BTBD8: variants seen among roughly 807,000 people sequenced by gnomAD.
BTBD8 encodes the protein BTB/POZ domain-containing protein 8.
BTBD8 carries 110 observed loss-of-function variants against 162.9 expected under a neutral mutation model. The observed-to-expected ratio is 0.68, with a 90% CI of 0.58 to 0.79. The LOEUF is 0.79. Among genes scored for constraint, BTBD8 ranks in the 30% least tolerant of loss-of-function variants. The pLI is 0.00. For missense variants in BTBD8, 1,905 were observed against 2,085.4 expected, an observed-to-expected ratio of 0.91 and a Z score of 1.68; for synonymous variants, 667 against 716.1, an observed-to-expected ratio of 0.93 and a Z score of 1.10.
At chr1:92,157,496 AT>A (rs1368304098) in intron 9 of BTBD8, among the ~76,000 whole-genome samples, 3 of 151,838 alleles carry the variant, frequency 2.0e-5, no homozygotes, top group African/African-American at 7.3e-5. Context: ...CATTATTCTT[AT>A]TTACTTATTT....
chr1:92,160,335 A>G (rs1390707475), intron 9 of BTBD8, among the ~76,000 whole-genome samples: 8 of 152,128 alleles, frequency 5.3e-5, no homozygotes, highest in Admixed American at 5.2e-4. Flanking sequence ...GAGCTAAATC[A>G]TATATCTCAA....
At chr1:92,171,374 AAC>A in intron 12 of BTBD8, 23 bp from the exon 13 acceptor site, 17 of 1,528,810 alleles carry the variant, frequency 1.1e-5, no homozygotes, top group Non-Finnish European at 1.5e-5. Context: ...TCCTTATAAA[AAC>A]AAATTGCTGT....
At chr1:92,150,551 A>G (rs545357549) in intron 9 of BTBD8, 2 of 152,268 alleles carry the variant, frequency 1.3e-5, no homozygotes, top group South Asian at 4.1e-4. Flanking sequence ...ATGAATTTTT[A>G]CTTTACAATA....
intron 13 of BTBD8, among the ~76,000 whole-genome samples, chr1:92,175,374 G>C (rs1475948239): frequency 1.3e-5 from 2 of 148,592 alleles, no homozygotes; most frequent in Non-Finnish European, 3.0e-5. Flanking sequence ...AGCTACTCGG[G>C]AGGCTGAGGC....
chr1:92,131,705 CAG>C (rs1472589376), intron 5 of BTBD8, among the ~76,000 whole-genome samples: 1 of 144,894 alleles, frequency 6.9e-6, no homozygotes, highest in Non-Finnish European at 1.5e-5. Context: ...GCCTGGGCGA[CAG>C]AGCGAGACTC....
At chr1:92,162,773 C>A (rs979053522) in intron 9 of BTBD8, among the ~76,000 whole-genome samples, 3 of 152,148 alleles carry the variant, frequency 2.0e-5, no homozygotes, top group African/African-American at 7.2e-5. Context: ...TTCTCAGGCT[C>A]AATTTTTAGG....
intron 5 of BTBD8, among the ~76,000 whole-genome samples, chr1:92,131,595 G>A (rs936143254): frequency 2.0e-5 from 3 of 151,850 alleles, no homozygotes; most frequent in African/African-American, 4.8e-5. Flanking sequence ...ATGATGGCAC[G>A]TGCCTGTAAT....
intron 3 of BTBD8, among the ~76,000 whole-genome samples, chr1:92,105,307 C>T (rs906755711): frequency 1.3e-5 from 2 of 151,576 alleles, no homozygotes; most frequent in African/African-American, 2.4e-5. Flanking sequence ...GGCAGGAGTA[C>T]AGTGTCATGA....
intron 5 of BTBD8, among the ~76,000 whole-genome samples, chr1:92,139,124 G>T (rs1649706153): frequency 6.6e-6 from 1 of 152,146 alleles, no homozygotes; most frequent in African/African-American, 2.4e-5. Context: ...AATAAATAAT[G>T]ATTTGATAAC....
rs927707837 is a variant in BTBD8 at position 92,139,331 on chromosome 1, G to A, written c.753-19G>A. ...AGTTAAACCTTAATTCTGGATTTGAGTTTTCTTTTATTTTTCAGTATAAGC... is the reference window on the plus strand; with the variant it reads ...AGTTAAACCTTAATTCTGGATTTGAATTTTCTTTTATTTTTCAGTATAAGC... On this transcript the variant is annotated intron_variant, in intron 5 of 17. Transcript: ENST00000636805. The A allele has an allele frequency of 1.9e-6, 3 of 1,549,054 alleles. No individual in the cohort carries two copies. The highest frequency in any genetic ancestry group is 4.8e-5 in the East Asian group (2 of 41,920).
At chr1:92,148,156 T>C (rs1427586905) in intron 9 of BTBD8, among the ~76,000 whole-genome samples, 1 of 152,232 alleles carries the variant, frequency 6.6e-6, no homozygotes, top group East Asian at 1.9e-4. Flanking sequence ...ATCAGCCATC[T>C]ACCTGGTGGC....
rs754676475 is a variant in BTBD8, at chr1:92,088,805, A to G, written c.257A>G (p.His86Arg). The G allele has an allele frequency of 2.5e-6, 4 of 1,613,354 alleles. No individual in the cohort carries two copies. Among genetic ancestry groups the G allele is most frequent in the Non-Finnish European group, 3.4e-6 (4 of 1,179,532 alleles). The change falls in exon 2 of 18, where the codon CAT (histidine) becomes CGT (arginine). Residue 86 changes from histidine (H) to arginine (R), a missense_variant. Transcript: ENST00000636805. ...GCAAGAGTTCCTGACTTCTATTTTC[A>G]TACTATTGGACAGACATCAAATAGT... ...LLARVPDFYFHTIGQTSNSLT... is the reference protein window; with the variant it reads ...LLARVPDFYFRTIGQTSNSLT...
In BTBD8 at chr1:92,119,287, CT is replaced by C. The variant is rs905843721; in HGVS notation, c.663-10384del. 6.7e-3 allele frequency among the ~76,000 whole-genome samples: 889 copies of C among 132,782 alleles called. 5 individuals carry two copies. Among genetic ancestry groups the C allele is most frequent in the African/African-American group, 0.019 (672 of 35,424 alleles). The allele number at this position is 132,782 out of a possible 152,430, so 87.1% of individuals were successfully genotyped here. A position where few individuals can be genotyped will look rare whatever the true frequency, so the allele number is the denominator to read the frequency against. ...GCTGTACAAATTTTTTTCTTTTTTT[CT>C]TTTTTTTTTTTTTTTGAGACAGGGT... On this transcript the variant is annotated intron_variant, in intron 4 of 17. Transcript: ENST00000636805.
chr1:92,179,874 C>G (rs1222956156), intron 16 of BTBD8, among the ~76,000 whole-genome samples: 1 of 152,130 alleles, frequency 6.6e-6, no homozygotes, highest in Non-Finnish European at 1.5e-5. Flanking sequence ...GTAGAGCACA[C>G]TATTTTTTTT....
At chr1:92,141,427 G>T (rs1649773822) in intron 7 of BTBD8, among the ~76,000 whole-genome samples, 1 of 152,114 alleles carries the variant, frequency 6.6e-6, no homozygotes, top group Non-Finnish European at 1.5e-5. Context: ...TTGATGGGAG[G>T]GTAGGTATTG....
intron 4 of BTBD8, among the ~76,000 whole-genome samples, chr1:92,120,907 C>T (rs904117557): frequency 6.6e-6 from 1 of 152,104 alleles, no homozygotes; most frequent in African/African-American, 2.4e-5. Flanking sequence ...GGATTATAGA[C>T]GTGCACCACC....
intron 4 of BTBD8, among the ~76,000 whole-genome samples, chr1:92,111,587 A>G (rs2101910794): frequency 6.6e-6 from 1 of 152,254 alleles, no homozygotes; most frequent in East Asian, 1.9e-4. Context: ...TTAAAATTCC[A>G]CCACTTATTA....
In BTBD8 at chr1:92,180,532, C is replaced by G. The variant is rs1438179711; in HGVS notation, c.2849C>G (p.Thr950Ser). Reference protein sequence around the residue: ...KMPPGQVISKTQPSSQRPLKH... With the variant: ...KMPPGQVISKSQPSSQRPLKH... ...CCTCCTGGACAGGTTATATCAAAAA[C>G]TCAGCCTTCCTCCCAAAGACCTTTA... is the stretch of plus-strand genomic sequence containing the variant. Residue 950 changes from threonine (T) to serine (S), a missense_variant, in exon 17 of 18, where the codon ACT (threonine) becomes AGT (serine). By Grantham distance (58) the Thr-to-Ser change is moderately conservative. This residue lies in a region of BTBD8 where 1,374 missense variants were observed against 1,442.7 expected (regional missense o/e 0.95). Transcript: ENST00000636805. The G allele has an allele frequency of 6.4e-7, 1 of 1,551,622 alleles. No individual in the cohort carries two copies. The highest frequency in any genetic ancestry group is 2.4e-5 in the East Asian group (1 of 40,916).
intron 4 of BTBD8, among the ~76,000 whole-genome samples, chr1:92,114,623 A>G (rs1341451884): frequency 6.6e-6 from 1 of 152,074 alleles, no homozygotes; most frequent in East Asian, 1.9e-4. Context: ...TACATTAAAT[A>G]TTCATTTGAT....
Sources: gnomAD v4.1 joint callset for allele counts (sites outside exome capture counted in the v4.1 genomes callset) on GRCh38, gnomAD v4.1.1 for gene constraint, gnomAD v4.1.1 regional missense constraint, MANE v1.5 for transcripts, NCBI Gene and HGNC (gene_info 2026-07-23, HGNC 2026-07-21) for gene names.